PPTC7: variants seen among roughly 807,000 people sequenced by gnomAD.
PPTC7 encodes the protein protein phosphatase PTC7 homolog.
In PPTC7, 6 loss-of-function variants were observed where a neutral mutation model predicts 30.8. That is an observed-to-expected ratio of 0.19 (90% CI 0.11 to 0.38). The LOEUF is 0.38. Ranked by LOEUF, PPTC7 falls within the 10% of genes least tolerant of loss-of-function variation. The pLI is 1.00. For synonymous variants in PPTC7, 163 were observed against 168.1 expected (o/e 0.97, Z 0.23); for missense variants, 218 against 404.8 (o/e 0.54, Z 3.96).
At chr12:110,568,432 T>C (rs949961233) in intron 1 of PPTC7, among the ~76,000 whole-genome samples, 8 of 152,170 alleles carry the variant, frequency 5.3e-5, no homozygotes, top group Admixed American at 5.2e-4. Flanking sequence ...TTTTGTATTT[T>C]TAGTAGAGAT....
Position 110,549,413 on chromosome 12 carries a change from T to C in PPTC7, c.403+2376A>G, listed in dbSNP as rs537429840. Among the ~76,000 whole-genome samples the C allele has an allele frequency of 1.4e-3, 208 of 152,220 alleles. 1 individual carries two copies. Among genetic ancestry groups the C allele is most frequent in the African/African-American group, 4.8e-3 (199 of 41,536 alleles). ...TACCTAACTAACTTATCTGGTAAAGTTGTCATGATTTACAATTATATCTAG... is the reference window on the plus strand; with the variant it reads ...TACCTAACTAACTTATCTGGTAAAGCTGTCATGATTTACAATTATATCTAG... On this transcript the variant is annotated intron_variant, in intron 2 of 5. Coordinates refer to ENST00000354300, the MANE Select transcript of PPTC7 (RefSeq NM_139283.2).
In PPTC7 at chr12:110,583,066, G is replaced by C; in HGVS notation, c.-35C>G. The C allele has an allele frequency of 2.2e-6, 3 of 1,357,554 alleles. No homozygotes were observed. Among genetic ancestry groups the C allele is most frequent in the Non-Finnish European group, 2.8e-6 (3 of 1,063,226 alleles). The allele number at this position is 1,357,554 out of a possible 1,614,324, so 84.1% of individuals were successfully genotyped here. A position where few individuals can be genotyped will look rare whatever the true frequency, so the allele number is the denominator to read the frequency against. On this transcript the variant is annotated 5_prime_UTR_variant, in exon 1 of 6. Transcript: ENST00000354300. ...CGCCCCCCCGAGGAGGCGGGGGGCC[G>C]GGGGAGCAGGAGGACGCGGAGGCCC... is the stretch of plus-strand genomic sequence containing the variant.
At chr12:110,566,309 G>C (rs1419165556) in intron 1 of PPTC7, among the ~76,000 whole-genome samples, 1 of 152,180 alleles carries the variant, frequency 6.6e-6, no homozygotes, top group Non-Finnish European at 1.5e-5. Context: ...GTCACAATCA[G>C]CCAAAATCAC....
At chr12:110,561,585 A>T (rs191709479) in intron 1 of PPTC7, among the ~76,000 whole-genome samples, 1 of 152,246 alleles carries the variant, frequency 6.6e-6, no homozygotes, top group Non-Finnish European at 1.5e-5. Flanking sequence ...TGGGCTCCTA[A>T]AGTTCTGGGA....
chr12:110,558,198 A>T (rs939559365), intron 1 of PPTC7, among the ~76,000 whole-genome samples: 3 of 152,240 alleles, frequency 2.0e-5, no homozygotes, highest in Non-Finnish European at 2.9e-5. Context: ...CCAGCAGGGC[A>T]TCTTTGTGGA....
chr12:110,582,142 T>C (rs1001371111), intron 1 of PPTC7, among the ~76,000 whole-genome samples: 3 of 152,138 alleles, frequency 2.0e-5, no homozygotes, highest in Non-Finnish European at 4.4e-5. Context: ...AATCTACAAG[T>C]AGGCTCGACC....
intron 4 of PPTC7, among the ~76,000 whole-genome samples, chr12:110,539,586 A>G (rs540881385): frequency 5.3e-5 from 8 of 152,316 alleles, no homozygotes; most frequent in African/African-American, 1.9e-4. Flanking sequence ...AGATACAAAC[A>G]AGAAATGCCC....
intron 2 of PPTC7, among the ~76,000 whole-genome samples, chr12:110,551,260 T>C (rs1421079887): frequency 6.6e-6 from 1 of 152,256 alleles, no homozygotes; most frequent in Non-Finnish European, 1.5e-5. Context: ...TATATGTTCA[T>C]ATTTAATACC....
At chr12:110,573,639 T>C (rs540790597) in intron 1 of PPTC7, among the ~76,000 whole-genome samples, 1 of 152,174 alleles carries the variant, frequency 6.6e-6, no homozygotes, top group Non-Finnish European at 1.5e-5. Flanking sequence ...ATATGGTACT[T>C]TTCTGAAGAT....
chr12:110,577,358 T>C (rs1381651534), intron 1 of PPTC7, among the ~76,000 whole-genome samples: 1 of 151,834 alleles, frequency 6.6e-6, no homozygotes, highest in East Asian at 1.9e-4. Context: ...CTGACATGGC[T>C]TGAAATCTAG....
At position 110,546,042 on chromosome 12, in the gene PPTC7, G is replaced by C; in HGVS notation, c.440C>G (p.Thr147Ser). 6.2e-7 allele frequency: 1 copy of C among 1,614,104 alleles called. No individual in the cohort carries two copies. The highest frequency in any genetic ancestry group is 1.1e-5 in the South Asian group (1 of 91,064). The change falls in exon 3 of 6, where the codon ACC becomes AGC. Residue 147 changes from threonine (T) to serine (S), a missense_variant. By Grantham distance (58) the Thr-to-Ser change is moderately conservative. Coordinates refer to ENST00000354300, the MANE Select transcript of PPTC7 (RefSeq NM_139283.2). Reference protein sequence around the residue: ...STACIVVLDRTSHRLHTANLG... With the variant: ...STACIVVLDRSSHRLHTANLG... ...GTTTGCTGTGTGTAAGCGGTGGCTG[G>C]TTCTGTCCAGCACCACAATGCAGGC...
chr12:110,547,265 C>T lies in PPTC7; in HGVS notation c.404-1187G>A, dbSNP rs562660256. On this transcript the variant is annotated intron_variant, in intron 2 of 5. Transcript: ENST00000354300. Reference sequence around the variant, plus strand: ...CACCATCACGTAATACTCAGGAGTACAGGCTCTGGAGTCAGCCTGCTTCCT... The same window carrying T: ...CACCATCACGTAATACTCAGGAGTATAGGCTCTGGAGTCAGCCTGCTTCCT... Among the ~76,000 whole-genome samples the T allele has an allele frequency of 2.0e-5, 3 of 152,290 alleles. No homozygotes were observed. The South Asian group carries it at 6.2e-4, about 32-fold the overall frequency.
chr12:110,542,524 G>C lies in PPTC7; in HGVS notation c.603-2579C>G, dbSNP rs117871479. On this transcript the variant is annotated intron_variant, in intron 3 of 5. Coordinates refer to ENST00000354300, the MANE Select transcript of PPTC7 (RefSeq NM_139283.2). ...CTGTCTCTACTAAAAAATACAAAAA[G>C]TTAGATCATGGTGGTGCACACCTGT... 6.8e-3 allele frequency among the ~76,000 whole-genome samples: 1,037 copies of C among 151,594 alleles called. 1 individual carries two copies. The highest frequency in any genetic ancestry group is 9.4e-3 in the Non-Finnish European group (635 of 67,820).
At chr12:110,582,046 C>T (rs926215074) in intron 1 of PPTC7, among the ~76,000 whole-genome samples, 4 of 152,174 alleles carry the variant, frequency 2.6e-5, no homozygotes, top group African/African-American at 9.7e-5. Context: ...AGTCTCCCAC[C>T]CCCAAAAGGT....
intron 5 of PPTC7, among the ~76,000 whole-genome samples, chr12:110,537,641 C>T (rs1207021429): frequency 6.6e-6 from 1 of 152,184 alleles, no homozygotes; most frequent in Non-Finnish European, 1.5e-5. Flanking sequence ...AGCCACTGGC[C>T]TGCTCCCAAA....
At chr12:110,544,264 G>A (rs1023702558) in intron 3 of PPTC7, among the ~76,000 whole-genome samples, 7 of 152,170 alleles carry the variant, frequency 4.6e-5, no homozygotes, top group Non-Finnish European at 1.0e-4. Flanking sequence ...TAACATGCTC[G>A]TTCCAGTTTA....
intron 1 of PPTC7, among the ~76,000 whole-genome samples, chr12:110,574,730 G>A (rs2064572904): frequency 6.6e-6 from 1 of 151,996 alleles, no homozygotes; most frequent in African/African-American, 2.4e-5. Context: ...GAACTGTTAG[G>A]AAACAAATTA....
At chr12:110,569,070 C>A (rs534128719) in intron 1 of PPTC7, among the ~76,000 whole-genome samples, 1 of 144,106 alleles carries the variant, frequency 6.9e-6, no homozygotes, top group South Asian at 2.2e-4. Flanking sequence ...CAGTGGCTCA[C>A]GCCTGTAATC....
chr12:110,551,547 A>G (rs988862375), intron 2 of PPTC7, among the ~76,000 whole-genome samples: 2 of 152,184 alleles, frequency 1.3e-5, no homozygotes, highest in African/African-American at 2.4e-5. Context: ...GGGTTTCTCT[A>G]TGTTGGTCAG....
Sources: gnomAD v4.1 joint callset for allele counts (sites outside exome capture counted in the v4.1 genomes callset) on GRCh38, gnomAD v4.1.1 for gene constraint, MANE v1.5 for transcripts, NCBI Gene and HGNC (gene_info 2026-07-23, HGNC 2026-07-21) for gene names.